EDA: variants seen among roughly 807,000 people sequenced by gnomAD.
EDA encodes the protein ectodysplasin A.
Under a neutral mutation model 23.6 loss-of-function variants are expected in EDA, and 2 were observed. The ratio of observed to expected loss-of-function variants is 0.08; its 90% CI spans 0.03 to 0.27. The LOEUF (loss-of-function observed/expected upper bound fraction) is 0.27, where lower values mean the gene tolerates loss of function less well. EDA is among the 10% of genes least tolerant of loss of function. The pLI is 1.00. For missense variants in EDA, 229 were observed against 324.2 expected (o/e 0.71, Z 2.26); for synonymous variants, 131 against 132.0 (o/e 0.99, Z 0.05).
chrX:69,663,396 GT>G (rs1255051784), intron 1 of EDA, among the ~76,000 whole-genome samples: 1 of 112,505 alleles, frequency 8.9e-6, no homozygotes, highest in Non-Finnish European at 1.9e-5. Flanking sequence ...ACTTCAGAGG[GT>G]GCAAGCCCCA....
At chrX:69,960,429 G>A (rs2019082528) in intron 2 of EDA, among the ~76,000 whole-genome samples, 1 of 111,642 alleles carries the variant, frequency 9.0e-6, no homozygotes, top group Admixed American at 9.5e-5. Flanking sequence ...AAGCAGTGTA[G>A]AGGAATATGG....
chrX:69,942,289 C>T (rs947692037), intron 1 of EDA, among the ~76,000 whole-genome samples: 1 of 110,603 alleles, frequency 9.0e-6, no homozygotes, highest in Non-Finnish European at 1.9e-5. Context: ...CAGTGAGTTT[C>T]GTATGTGCAG....
chrX:69,857,197 T>C (rs2017277730), intron 1 of EDA, among the ~76,000 whole-genome samples: 1 of 112,088 alleles, frequency 8.9e-6, no homozygotes, highest in South Asian at 3.7e-4. Flanking sequence ...TTTGGCTTTA[T>C]TTCTGAGTTC....
intron 1 of EDA, among the ~76,000 whole-genome samples, chrX:69,849,032 G>T (rs1021379299): frequency 1.0e-5 from 1 of 97,904 alleles, no homozygotes; most frequent in African/African-American, 3.7e-5. Flanking sequence ...TTCATATCCC[G>T]TTTAACATGT....
rs928627137 is a variant in EDA, at chrX:69,734,668, G to A, written c.396+117964G>A. ...ATCAAAATATTTTAAAATTTCTCTT[G>A]AGAATTCTTCTTTGATTCATGAGTT... On this transcript the variant is annotated intron_variant, in intron 1 of 7. Transcript: ENST00000374552. Among the ~76,000 whole-genome samples, 4 of 111,066 alleles carry A rather than the reference G, an allele frequency of 3.6e-5. No homozygotes were observed. The Admixed American group carries it at 3.8e-4, about 11-fold the overall frequency.
At chrX:69,766,828 G>T (rs745605739) in intron 1 of EDA, among the ~76,000 whole-genome samples, 1 of 112,239 alleles carries the variant, frequency 8.9e-6, no homozygotes, top group Non-Finnish European at 1.9e-5. Flanking sequence ...CTACTGGATC[G>T]AATGGTAGTT....
At chrX:69,629,034 G>A (rs1602232892) in intron 1 of EDA, among the ~76,000 whole-genome samples, 1 of 111,379 alleles carries the variant, frequency 9.0e-6, no homozygotes, top group South Asian at 3.8e-4. Context: ...ATTTTGTTAT[G>A]TCACTTCCTC....
rs952263534 is a variant in EDA at position 69,753,326 on chromosome X, C to T, written c.396+136622C>T. 8.9e-5 allele frequency among the ~76,000 whole-genome samples: 10 copies of T among 111,979 alleles called. No homozygotes were observed. In the East Asian group the frequency reaches 2.0e-3, roughly 22 times the overall value. On this transcript the variant is annotated intron_variant, in intron 1 of 7. Transcript: ENST00000374552. ...AACATCTTTATTTCTGTCTTCATTT[C>T]GTTATGTACCCAGCAGTCATTCAGG...
chrX:69,819,018 A>G (rs1039874790), intron 1 of EDA, among the ~76,000 whole-genome samples: 2 of 112,142 alleles, frequency 1.8e-5, no homozygotes, highest in Admixed American at 9.5e-5. Flanking sequence ...AGGCTAATCC[A>G]CCACAATCAA....
intron 2 of EDA, among the ~76,000 whole-genome samples, chrX:70,016,698 C>T (rs777024250): frequency 9.0e-6 from 1 of 111,516 alleles, no homozygotes; most frequent in Non-Finnish European, 1.9e-5. Context: ...ATACAACTTA[C>T]CAGAATCTCT....
At chrX:70,018,510 G>A (rs2019985351) in intron 2 of EDA, among the ~76,000 whole-genome samples, 1 of 111,528 alleles carries the variant, frequency 9.0e-6, no homozygotes, top group Admixed American at 9.5e-5. Flanking sequence ...GAATAGAATA[G>A]GTAGCCCAGA....
chrX:69,921,565 A>G (rs926710686), intron 1 of EDA, among the ~76,000 whole-genome samples: 1 of 110,410 alleles, frequency 9.1e-6, no homozygotes, highest in Non-Finnish European at 1.9e-5. Context: ...ATTTGTGGCT[A>G]TAGTGGTTTC....
chrX:69,793,570 G>GTTTTTTTTTTTT (rs67241807), intron 1 of EDA, among the ~76,000 whole-genome samples: 173 of 58,583 alleles, frequency 3.0e-3, no homozygotes, highest in East Asian at 7.7e-3. Context: ...GTTTGTTTTT[G>GTTTTTTTTTTTT]TTTTTTTTTT....
At chrX:69,858,692 T>C (rs1309827377) in intron 1 of EDA, among the ~76,000 whole-genome samples, 3 of 112,194 alleles carry the variant, frequency 2.7e-5, no homozygotes, top group Non-Finnish European at 5.6e-5. Flanking sequence ...TAAAGTTTTC[T>C]TTTTTTGATG....
At chrX:69,859,358 G>A (rs2147591986) in intron 1 of EDA, among the ~76,000 whole-genome samples, 1 of 111,256 alleles carries the variant, frequency 9.0e-6, no homozygotes, top group Admixed American at 9.6e-5. Context: ...TTTTGATGTG[G>A]GCATTTAGTG....
At chrX:69,829,441 G>T (rs1204756818) in intron 1 of EDA, among the ~76,000 whole-genome samples, 1 of 111,974 alleles carries the variant, frequency 8.9e-6, no homozygotes, top group Non-Finnish European at 1.9e-5. Context: ...TTTCAATGAT[G>T]ACAGGTTTTC....
At chrX:69,872,545 G>T (rs2017581415) in intron 1 of EDA, among the ~76,000 whole-genome samples, 1 of 111,525 alleles carries the variant, frequency 9.0e-6, no homozygotes, top group Non-Finnish European at 1.9e-5. Context: ...TTAGATAAAG[G>T]GGTGGGAAAA....
rs777765198 is a variant in EDA, at chrX:69,664,181, G to T, written c.396+47477G>T. ...ACATGAGATTTGGGAAGGGCCAACG[G>T]TGGAATGATATGGTTTGGCTGTGTC... On this transcript the variant is annotated intron_variant, in intron 1 of 7. Transcript: ENST00000374552. Among the ~76,000 whole-genome samples the T allele has an allele frequency of 2.7e-5, 3 of 111,809 alleles. No individual in the cohort carries two copies. The East Asian group carries it at 8.5e-4, about 32-fold the overall frequency.
chrX:69,682,133 A>G (rs769453821), intron 1 of EDA, among the ~76,000 whole-genome samples: 1 of 112,134 alleles, frequency 8.9e-6, no homozygotes, highest in Non-Finnish European at 1.9e-5. Context: ...TAGGCTGCTC[A>G]GGGGTCAGGG....
Sources: allele counts gnomAD v4.1 joint callset (sites outside exome capture counted in the v4.1 genomes callset), GRCh38; gene constraint gnomAD v4.1.1; transcripts MANE v1.5; gene names NCBI Gene and HGNC (gene_info 2026-07-23, HGNC 2026-07-21).